PTPRT: variants seen among roughly 807,000 people sequenced by gnomAD.
PTPRT encodes receptor-type tyrosine-protein phosphatase T.
In PTPRT, 56 loss-of-function variants were observed where a neutral mutation model predicts 176.8. The ratio of observed to expected loss-of-function variants is 0.32; its 90% CI spans 0.26 to 0.40. PTPRT has a LOEUF of 0.40. Ranked by LOEUF, PTPRT falls within the 10% of genes least tolerant of loss-of-function variation. The probability of loss-of-function intolerance (pLI) is 1.00; values close to 1 mark genes in which losing one functional copy is unlikely to be tolerated. For missense variants in PTPRT, 1,540 were observed against 1,908.2 expected (o/e 0.81, Z 3.60); for synonymous variants, 783 against 739.0 (o/e 1.06, Z -0.96).
At chr20:42,945,448 C>T (rs1363846886) in intron 1 of PTPRT, among the ~76,000 whole-genome samples, 2 of 152,170 alleles carry the variant, frequency 1.3e-5, no homozygotes, top group African/African-American at 2.4e-5. Flanking sequence ...CTGTTTCTCC[C>T]GGGACTAATC....
intron 15 of PTPRT, among the ~76,000 whole-genome samples, chr20:42,231,043 C>T (rs73268882): frequency 0.21 from 31,585 of 152,212 alleles, 3,704 homozygotes; most frequent in African/African-American, 0.28. Flanking sequence ...GTGCACAGCA[C>T]TGCTTGGAAG....
At chr20:43,083,343 T>TATATATATATATATAC (rs1442303803) in intron 1 of PTPRT, among the ~76,000 whole-genome samples, 12 of 115,326 alleles carry the variant, frequency 1.0e-4, no homozygotes, top group Non-Finnish European at 1.5e-4. Context: ...TATATATATA[T>TATATATATATATATAC]ATATATATAT....
At chr20:43,111,546 GAAAAAAAAAAA>G (rs11424029) in intron 1 of PTPRT, among the ~76,000 whole-genome samples, 6 of 83,448 alleles carry the variant, frequency 7.2e-5, no homozygotes, top group Non-Finnish European at 1.1e-4. Flanking sequence ...TCCGTCTCAG[GAAAAAAAAAAA>G]AAAAAAAAAA....
chr20:42,141,994 T>C lies in PTPRT; in HGVS notation c.2691A>G (p.Pro897=). 1 of 1,614,032 alleles carries C rather than the reference T, an allele frequency of 6.2e-7. No individual in the cohort carries two copies. The highest frequency in any genetic ancestry group is 1.6e-4 in the Middle Eastern group (1 of 6,062). The change falls in exon 18 of 31, where the codon CCA becomes CCG. Residue 897 remains proline (P), a synonymous_variant. Transcript: ENST00000373187. The part of the protein sequence containing the change: ...YGFKEEYEAL[P]EGQTASWDTA... Reference sequence around the variant, plus strand: ...TGTCCCACGAAGCTGTCTGCCCCTCTGGTAAGGCCTAAAAAGCAAGGACAG... The same window carrying C: ...TGTCCCACGAAGCTGTCTGCCCCTCCGGTAAGGCCTAAAAAGCAAGGACAG...
intron 2 of PTPRT, among the ~76,000 whole-genome samples, chr20:42,867,844 G>C (rs1041512441): frequency 6.6e-6 from 1 of 151,854 alleles, no homozygotes; most frequent in African/African-American, 2.4e-5. Flanking sequence ...ACCATATCTG[G>C]CTAATTTTTG....
intron 7 of PTPRT, among the ~76,000 whole-genome samples, chr20:42,517,471 T>G (rs114808772): frequency 3.0e-4 from 46 of 152,130 alleles, no homozygotes; most frequent in African/African-American, 9.6e-4. Context: ...ACTTTGCCAA[T>G]CTTTCTATTG....
chr20:42,796,419 A>G (rs1323211794), intron 2 of PTPRT, among the ~76,000 whole-genome samples: 1 of 152,168 alleles, frequency 6.6e-6, no homozygotes, highest in African/African-American at 2.4e-5. Flanking sequence ...AATTACATCC[A>G]AGTGAGTCAC....
intron 15 of PTPRT, among the ~76,000 whole-genome samples, chr20:42,203,584 TC>T (rs2055377595): frequency 1.3e-5 from 2 of 152,238 alleles, no homozygotes; most frequent in Non-Finnish European, 2.9e-5. Context: ...CTGAGGCTTC[TC>T]CCTGCTCTTC....
chr20:42,967,663 G>T (rs62204005), intron 1 of PTPRT, among the ~76,000 whole-genome samples: 3,161 of 152,190 alleles, frequency 0.021, 46 homozygotes, highest in Non-Finnish European at 0.029. Flanking sequence ...CGAAAACAGT[G>T]ACCAACCCCA....
At chr20:42,110,652 A>G (rs949224656) in intron 22 of PTPRT, among the ~76,000 whole-genome samples, 165 bp from the exon 23 acceptor site, 1 of 152,200 alleles carries the variant, frequency 6.6e-6, no homozygotes, top group Non-Finnish European at 1.5e-5. Context: ...GTAATCAGTT[A>G]CATTTGGGAA....
chr20:42,128,109 C>G (rs1987946751), intron 19 of PTPRT, among the ~76,000 whole-genome samples: 1 of 152,192 alleles, frequency 6.6e-6, no homozygotes, highest in Non-Finnish European at 1.5e-5. Context: ...CTATGTATCT[C>G]CTGGCCAGTT....
At chr20:42,191,704 C>T (rs111956108) in intron 16 of PTPRT, among the ~76,000 whole-genome samples, 6,013 of 152,216 alleles carry the variant, frequency 0.04, 370 homozygotes, top group African/African-American at 0.14. Flanking sequence ...TGTGTGACAC[C>T]AGAGGGCAGA....
chr20:42,924,367 C>T (rs1393312731), intron 1 of PTPRT, among the ~76,000 whole-genome samples: 4 of 152,270 alleles, frequency 2.6e-5, no homozygotes, highest in African/African-American at 9.6e-5. Context: ...GTAATGGATG[C>T]AGCCGCGGTC....
intron 1 of PTPRT, among the ~76,000 whole-genome samples, chr20:42,931,945 TG>T (rs1272238135): frequency 6.6e-6 from 1 of 152,226 alleles, no homozygotes; most frequent in African/African-American, 2.4e-5. Context: ...TGTCAACATG[TG>T]TCCTGACTGA....
chr20:42,191,240 G>A (rs1990990467), intron 16 of PTPRT, among the ~76,000 whole-genome samples: 1 of 151,800 alleles, frequency 6.6e-6, no homozygotes, highest in Admixed American at 6.6e-5. Context: ...AAACAGAACA[G>A]ACAAAATGTA....
In PTPRT at chr20:42,339,148, C is replaced by G. The variant is rs545188500; in HGVS notation, c.1865+11480G>C. Among the ~76,000 whole-genome samples the G allele has an allele frequency of 1.2e-4, 18 of 152,320 alleles. No individual in the cohort carries two copies. The South Asian group carries it at 3.5e-3, about 30-fold the overall frequency. ...TGCTCTAGCCTTCCACAAAAGAACACAGATTTGTTCAGATTCTGATATTCT... is the reference window on the plus strand; with the variant it reads ...TGCTCTAGCCTTCCACAAAAGAACAGAGATTTGTTCAGATTCTGATATTCT... On this transcript the variant is annotated intron_variant, in intron 11 of 30. Coordinates refer to ENST00000373187, the MANE Select transcript of PTPRT (RefSeq NM_007050.6).
intron 1 of PTPRT, among the ~76,000 whole-genome samples, chr20:43,187,425 T>C (rs2015421319): frequency 6.6e-6 from 1 of 151,970 alleles, no homozygotes; most frequent in African/African-American, 2.4e-5. Context: ...TAAGTCAACA[T>C]TTACAGTATT....
intron 7 of PTPRT, among the ~76,000 whole-genome samples, chr20:42,676,317 A>G (rs1479757947): frequency 6.6e-6 from 1 of 152,098 alleles, no homozygotes; most frequent in Non-Finnish European, 1.5e-5. Flanking sequence ...TTCATTTCGT[A>G]ACTTGACATA....
intron 7 of PTPRT, among the ~76,000 whole-genome samples, chr20:42,583,683 T>C (rs1021072328): frequency 6.6e-6 from 1 of 152,222 alleles, no homozygotes; most frequent in African/African-American, 2.4e-5. Context: ...TATTCTCAAA[T>C]GGCTTATTAC....
Sources: allele counts gnomAD v4.1 joint callset (sites outside exome capture counted in the v4.1 genomes callset), GRCh38; gene constraint gnomAD v4.1.1; transcripts MANE v1.5; gene names NCBI Gene and HGNC (gene_info 2026-07-23, HGNC 2026-07-21).